Variants in DISP3 observed in about 807,000 individuals in gnomAD.
DISP3 encodes the protein protein dispatched homolog 3.
Under a neutral mutation model 135.3 loss-of-function variants are expected in DISP3, and 101 were observed. The ratio of observed to expected loss-of-function variants is 0.75; its 90% CI spans 0.64 to 0.88. The LOEUF (loss-of-function observed/expected upper bound fraction) is 0.88. Ranked by LOEUF, DISP3 falls within the 40% of genes least tolerant of loss-of-function variation. The pLI, the probability that DISP3 is intolerant of heterozygous loss-of-function variation, is 0.00. For synonymous variants in DISP3, 856 were observed against 817.0 expected (o/e 1.05, Z -0.81); for missense variants, 1,713 against 1,878.6 (o/e 0.91, Z 1.63).
chr1:11,509,603 T>G (rs1364924264), intron 3 of DISP3, among the ~76,000 whole-genome samples: 1 of 152,246 alleles, frequency 6.6e-6, no homozygotes, highest in African/African-American at 2.4e-5. Context: ...CATTTAGGAT[T>G]GTAGTTTTGA....
intron 13 of DISP3, among the ~76,000 whole-genome samples, chr1:11,527,282 G>A (rs1642448547): frequency 6.6e-6 from 1 of 152,108 alleles, no homozygotes; most frequent in Admixed American, 6.5e-5. Flanking sequence ...GCCAGGTGCG[G>A]TGGCTCATGC....
chr1:11,490,002 C>G (rs1463956380), intron 1 of DISP3, among the ~76,000 whole-genome samples: 1 of 152,164 alleles, frequency 6.6e-6, no homozygotes, highest in Admixed American at 6.5e-5. Context: ...CTTTTATTAA[C>G]CCAGCAGTCT....
intron 13 of DISP3, among the ~76,000 whole-genome samples, 183 bp downstream of exon 13, chr1:11,527,018 C>T (rs1642440803): frequency 6.6e-6 from 1 of 152,080 alleles, no homozygotes; most frequent in African/African-American, 2.4e-5. Context: ...GTAACCTCTG[C>T]CTCCCAGGTT....
At chr1:11,500,372 A>G (rs770567764) in intron 1 of DISP3, among the ~76,000 whole-genome samples, 31 of 152,242 alleles carry the variant, frequency 2.0e-4, no homozygotes, top group Non-Finnish European at 4.4e-4. Flanking sequence ...CACAGACTGC[A>G]GAGTACTTCC....
intron 3 of DISP3, among the ~76,000 whole-genome samples, chr1:11,504,291 T>C (rs1301831376): frequency 6.6e-6 from 1 of 152,244 alleles, no homozygotes; most frequent in Non-Finnish European, 1.5e-5. Flanking sequence ...ATTAGGTAAG[T>C]TGTCCACAAT....
chr1:11,526,377 C>T (rs1156771917), intron 12 of DISP3, among the ~76,000 whole-genome samples: 3 of 152,236 alleles, frequency 2.0e-5, no homozygotes, highest in African/African-American at 7.2e-5. Flanking sequence ...GGACCGTGCC[C>T]CTCAGAGCCT....
intron 10 of DISP3, among the ~76,000 whole-genome samples, chr1:11,523,282 A>G (rs892595104): frequency 3.3e-5 from 5 of 152,166 alleles, no homozygotes; most frequent in Non-Finnish European, 7.4e-5. Context: ...GCTTGAGGCA[A>G]AACAGGAATA....
At chr1:11,493,009 C>T (rs918426478) in intron 1 of DISP3, among the ~76,000 whole-genome samples, 2 of 152,184 alleles carry the variant, frequency 1.3e-5, no homozygotes, top group Non-Finnish European at 2.9e-5. Context: ...GGATGCTTCA[C>T]GGCCCCATTG....
At position 11,501,891 on chromosome 1, in the gene DISP3, A is replaced by G. The variant is rs777981212; in HGVS notation, c.899A>G (p.Glu300Gly). 2.7e-5 allele frequency: 43 copies of G among 1,613,258 alleles called. No homozygotes were observed. The highest frequency in any genetic ancestry group is 2.5e-6 in the Non-Finnish European group (3 of 1,179,770). ...AGTGAGCGCCTGGTCACGATCCATGAGATCGAGCGCAAGATCATGGACCAC... is the reference window on the plus strand; with the variant it reads ...AGTGAGCGCCTGGTCACGATCCATGGGATCGAGCGCAAGATCATGGACCAC... The part of the protein sequence containing the change: ...FTSERLVTIH[E>G]IERKIMDHPG... Residue 300 changes from glutamate (E) to glycine (G), a missense_variant, in exon 2 of 21, where the codon GAG becomes GGG. Around this residue, in one of 2 missense-constraint regions of DISP3, gnomAD observed 571 missense variants for 494.1 expected, o/e 1.16. Coordinates refer to ENST00000294484, the MANE Select transcript of DISP3 (RefSeq NM_020780.2). This position sits in a 1 kb window ranked among gnomAD's most constrained non-coding sequence, Gnocchi z 4.9.
intron 1 of DISP3, among the ~76,000 whole-genome samples, chr1:11,490,417 G>A (rs562727978): frequency 2.4e-4 from 36 of 152,206 alleles, no homozygotes; most frequent in African/African-American, 8.7e-4. Flanking sequence ...ACAGGCACCC[G>A]CCACCATGCC....
chr1:11,522,726 G>A (rs1642258942), intron 10 of DISP3, among the ~76,000 whole-genome samples: 2 of 136,214 alleles, frequency 1.5e-5, no homozygotes, highest in African/African-American at 2.8e-5. Context: ...GGCCCAGCCA[G>A]GGCCCAGCCA....
Position 11,535,632 on chromosome 1 carries a change from C to A in DISP3, c.3804C>A (p.Pro1268=), listed in dbSNP as rs1039143602. 4 of 1,612,266 alleles carry A rather than the reference C, an allele frequency of 2.5e-6. No individual in the cohort carries two copies. Among genetic ancestry groups the A allele is most frequent in the Non-Finnish European group, 3.4e-6 (4 of 1,179,676 alleles). ...TGCTGGCTGGAGAGAACCTGCCCCC[C>A]CACCAGGCCGAGGTGCGCACCCTGC... ...GYLLAGENLP[P]HQAEDARTQR... is the part of the protein sequence containing the mutation. The change falls in exon 20 of 21, where the codon CCC becomes CCA. Residue 1268 remains proline (P), a synonymous_variant. Transcript: ENST00000294484.
At chr1:11,528,690 G>A (rs890463278) in intron 13 of DISP3, among the ~76,000 whole-genome samples, 1 of 152,284 alleles carries the variant, frequency 6.6e-6, no homozygotes, top group South Asian at 2.1e-4. Context: ...GGTGATACGC[G>A]GGGACTGTGG....
intron 6 of DISP3, among the ~76,000 whole-genome samples, chr1:11,517,142 TC>T (rs34335141): frequency 0.14 from 21,579 of 152,144 alleles, 1,859 homozygotes; most frequent in East Asian, 0.46. Flanking sequence ...TCTTCCTCTG[TC>T]CCCCATTCAT....
At position 11,533,144 on chromosome 1, in the gene DISP3, C is replaced by A. The variant is rs146836930; in HGVS notation, c.3376-1237C>A. On this transcript the variant is annotated intron_variant, in intron 17 of 20. Coordinates refer to ENST00000294484, the MANE Select transcript of DISP3 (RefSeq NM_020780.2). Reference sequence around the variant, plus strand: ...TAGTAAACACTAACTCCCCCTCTCCCCCTCCCACAGCCACTGGCACCCACC... The same window carrying A: ...TAGTAAACACTAACTCCCCCTCTCCACCTCCCACAGCCACTGGCACCCACC... Among the ~76,000 whole-genome samples the A allele has an allele frequency of 5.3e-3, 807 of 152,126 alleles. 5 individuals are homozygous for A. The highest frequency in any genetic ancestry group is 0.018 in the African/African-American group (758 of 41,470).
chr1:11,531,246 C>T lies in DISP3; in HGVS notation c.3229+213C>T, dbSNP rs902262055. Reference sequence around the variant, plus strand: ...GGATGTGAGCAGGCTTGTGTGTGAACAGGACTGGTGCAGAGGTGCATGTGT... The same window carrying T: ...GGATGTGAGCAGGCTTGTGTGTGAATAGGACTGGTGCAGAGGTGCATGTGT... On this transcript the variant is annotated intron_variant, in intron 16 of 20. Coordinates refer to ENST00000294484, the MANE Select transcript of DISP3 (RefSeq NM_020780.2). The surrounding 1 kb of genome is among the most constrained non-coding windows in gnomAD (Gnocchi z 5.2). Among the ~76,000 whole-genome samples, 4 of 152,090 alleles carry T rather than the reference C, an allele frequency of 2.6e-5. No individual in the cohort carries two copies. Among genetic ancestry groups the T allele is most frequent in the African/African-American group, 9.7e-5 (4 of 41,400 alleles).
At chr1:11,496,370 G>GAGAGAC (rs879262371) in intron 1 of DISP3, among the ~76,000 whole-genome samples, 1 of 152,246 alleles carries the variant, frequency 6.6e-6, no homozygotes, top group East Asian at 1.9e-4. Context: ...ATGTGTGAGA[G>GAGAGAC]AGAGACAGAG....
Position 11,531,437 on chromosome 1 carries a change from A to G in DISP3, c.3230-128A>G, listed in dbSNP as rs142687117. ...GCAAATGCATGTTGTAGGTTTCCCA[A>G]TGCCGTTGCCAATGGTTACAAGCAC... On this transcript the variant is annotated intron_variant, in intron 16 of 20. Coordinates refer to ENST00000294484, the MANE Select transcript of DISP3 (RefSeq NM_020780.2). The surrounding 1 kb of genome is among the most constrained non-coding windows in gnomAD (Gnocchi z 5.2). The G allele has an allele frequency of 1.4e-4, 195 of 1,348,768 alleles. No homozygotes were observed. In the African/African-American group the frequency reaches 2.7e-3, roughly 18 times the overall value. 83.6% of individuals were successfully genotyped at this position (1,348,768 alleles called of 1,614,324 possible). A position where few individuals can be genotyped will look rare whatever the true frequency, so the allele number is the denominator to read the frequency against.
In DISP3 at chr1:11,531,798, G is replaced by A. The variant is rs1642583653; in HGVS notation, c.3375+88G>A. The A allele has an allele frequency of 6.7e-7, 1 of 1,491,986 alleles. No individual in the cohort carries two copies. Among genetic ancestry groups the A allele is most frequent in the Non-Finnish European group, 8.9e-7 (1 of 1,124,490 alleles). The allele number at this position is 1,491,986 out of a possible 1,614,324, so 92.4% of individuals were successfully genotyped here. Reference sequence around the variant, plus strand: ...ATCCCAGCCCTCTTCCCAGATCGGGGGGGAGATGCTGAGGCCCAGAGAGGT... The same window carrying A: ...ATCCCAGCCCTCTTCCCAGATCGGGAGGGAGATGCTGAGGCCCAGAGAGGT... On this transcript the variant is annotated intron_variant, in intron 17 of 20. Coordinates refer to ENST00000294484, the MANE Select transcript of DISP3 (RefSeq NM_020780.2). The surrounding 1 kb of genome is among the most constrained non-coding windows in gnomAD (Gnocchi z 5.2).
Sources: gnomAD v4.1 joint callset for allele counts (sites outside exome capture counted in the v4.1 genomes callset) on GRCh38, gnomAD v4.1.1 for gene constraint, gnomAD v4.1.1 regional missense constraint, Gnocchi (gnomAD v3.1) non-coding constraint, MANE v1.5 for transcripts, NCBI Gene and HGNC (gene_info 2026-07-23, HGNC 2026-07-21) for gene names.